AKT3: variants seen among roughly 807,000 people sequenced by gnomAD.
The protein encoded by AKT3 is RAC-gamma serine/threonine-protein kinase.
A neutral mutation model predicts 65.3 loss-of-function variants in AKT3; 15 were observed. The ratio of observed to expected loss-of-function variants is 0.23; its 90% CI spans 0.15 to 0.35. The LOEUF is 0.35. Among genes scored for constraint, AKT3 ranks in the 10% least tolerant of loss-of-function variants. The pLI, the probability that AKT3 is intolerant of heterozygous loss-of-function variation, is 1.00. For synonymous variants in AKT3, 206 were observed against 183.8 expected, an observed-to-expected ratio of 1.12 and a Z score of -0.98; for missense variants, 243 against 576.5, an observed-to-expected ratio of 0.42 and a Z score of 5.92.
intron 10 of AKT3, among the ~76,000 whole-genome samples, chr1:243,559,812 A>G (rs759398131): frequency 2.6e-5 from 4 of 152,144 alleles, no homozygotes; most frequent in Non-Finnish European, 5.9e-5. Context: ...TCAAGAATGT[A>G]TTACAGATCT....
At chr1:243,519,839 G>A (rs1332682654) in intron 12 of AKT3, among the ~76,000 whole-genome samples, 1 of 152,194 alleles carries the variant, frequency 6.6e-6, no homozygotes, top group African/African-American at 2.4e-5. Context: ...AAAAAAGACT[G>A]CACTGATATA....
rs565620100 is a variant in AKT3 at position 243,492,886 on chromosome 1, C to T, written c.*7-4436G>A. ...CCTCCCAAAGTGCTGGCATTACAGG[C>T]ATGAGCTTTGCCCGGCCTCTTGGCT... On this transcript the variant is annotated intron_variant, in intron 13 of 13. Coordinates refer to the AKT3 transcript ENST00000336199. Among the ~76,000 whole-genome samples, 6 of 152,260 alleles carry T rather than the reference C, an allele frequency of 3.9e-5. No homozygotes were observed. The South Asian group carries it at 8.3e-4, about 21-fold the overall frequency.
At chr1:243,636,265 ATTTGT>A (rs1390311115) in intron 6 of AKT3, among the ~76,000 whole-genome samples, 2 of 152,066 alleles carry the variant, frequency 1.3e-5, no homozygotes, top group Admixed American at 1.3e-4. Context: ...TTGTAATTTA[ATTTGT>A]TAAGTTTATT....
At position 243,565,793 on chromosome 1, in the gene AKT3, CG is replaced by C. The variant is rs370376027; in HGVS notation, c.820-1946del. ...CCTCCCACTTTGCCATAATGAGAAA[CG>C]TTAAGTATATACTAAAGCTTCTGTT... On this transcript the variant is annotated intron_variant, in intron 9 of 13. Transcript: ENST00000673466. Among the ~76,000 whole-genome samples, 449 of 152,124 alleles carry C rather than the reference CG, an allele frequency of 3.0e-3. 4 individuals are homozygous for C. Among genetic ancestry groups the C allele is most frequent in the African/African-American group, 0.01 (424 of 41,516 alleles).
At chr1:243,807,780 C>T (rs1361797288) in intron 2 of AKT3, among the ~76,000 whole-genome samples, 1 of 152,188 alleles carries the variant, frequency 6.6e-6, no homozygotes, top group Non-Finnish European at 1.5e-5. Flanking sequence ...GGGAGGCAAC[C>T]CCCAGTAGGG....
chr1:243,553,054 G>A lies in AKT3; in HGVS notation c.949-111C>T, dbSNP rs529730471. On this transcript the variant is annotated intron_variant, in intron 10 of 13. Transcript: ENST00000673466. ...ATGAATCTTAACTTTCAAAGCCTAG[G>A]TAGTCTGAGATCTTGACATTTAAAC... The A allele has an allele frequency of 3.7e-6, 3 of 819,534 alleles. No individual in the cohort carries two copies. The South Asian group carries it at 6.5e-5, about 18-fold the overall frequency. 50.8% of individuals were successfully genotyped at this position (819,534 alleles called of 1,614,324 possible). A position where few individuals can be genotyped will look rare whatever the true frequency, so the allele number is the denominator to read the frequency against.
chr1:243,813,941 A>C (rs915066844), intron 2 of AKT3, among the ~76,000 whole-genome samples: 6 of 152,186 alleles, frequency 3.9e-5, no homozygotes, highest in Non-Finnish European at 5.9e-5. Flanking sequence ...CCCAACTCTT[A>C]AAAATTAAAA....
At chr1:243,618,126 T>C (rs1344947510) in intron 6 of AKT3, among the ~76,000 whole-genome samples, 1 of 152,174 alleles carries the variant, frequency 6.6e-6, no homozygotes, top group African/African-American at 2.4e-5. Flanking sequence ...CGCATAATAG[T>C]TATTTTTCTA....
chr1:243,615,987 C>T lies in AKT3; in HGVS notation c.562-826G>A, dbSNP rs150437092. 1.8e-4 allele frequency among the ~76,000 whole-genome samples: 27 copies of T among 152,032 alleles called. No individual in the cohort carries two copies. In the East Asian group the frequency reaches 3.7e-3, roughly 21 times the overall value. On this transcript the variant is annotated intron_variant, in intron 6 of 13. Coordinates refer to ENST00000673466, the MANE Select transcript of AKT3 (RefSeq NM_005465.7). ...ACTCCTGAGGATCAAGGAATCCTCC[C>T]GCTTCAGACTCCCAAGTAGCAGAGA...
At chr1:243,498,079 C>G (rs974794574), downstream of AKT3, among the ~76,000 whole-genome samples, 2 of 152,184 alleles carry the variant, frequency 1.3e-5, no homozygotes, top group African/African-American at 2.4e-5. Context: ...GTGTCAAGAG[C>G]GAGGCCACCA....
At chr1:243,731,218 T>C (rs1052852194) in intron 2 of AKT3, among the ~76,000 whole-genome samples, 28 of 152,316 alleles carry the variant, frequency 1.8e-4, no homozygotes, top group Admixed American at 1.3e-3. Flanking sequence ...AAAATATATA[T>C]AATAGCCTGC....
intron 11 of AKT3, among the ~76,000 whole-genome samples, chr1:243,550,609 A>G (rs1380283836): frequency 6.6e-6 from 1 of 151,966 alleles, no homozygotes; most frequent in East Asian, 1.9e-4. Context: ...ATAAATATTC[A>G]CTGCCTCGAA....
At position 243,571,822 on chromosome 1, in the gene AKT3, T is replaced by C. The variant is rs1266896403; in HGVS notation, c.819+1104A>G. On this transcript the variant is annotated intron_variant, in intron 9 of 13. Transcript: ENST00000673466. ...CAATCAAACTATTAATTTGTATTAA[T>C]CTTTAGCCCATTTTGGCACTTAGAC... is the stretch of plus-strand genomic sequence containing the variant. Among the ~76,000 whole-genome samples, 4 of 152,230 alleles carry C rather than the reference T, an allele frequency of 2.6e-5. No individual in the cohort carries two copies. In the East Asian group the frequency reaches 7.7e-4, roughly 29 times the overall value.
intron 5 of AKT3, among the ~76,000 whole-genome samples, chr1:243,641,331 T>C (rs1261910762): frequency 4.0e-5 from 6 of 150,732 alleles, no homozygotes; most frequent in Non-Finnish European, 7.4e-5. Context: ...TATATATATA[T>C]ATATTATTAA....
chr1:243,643,807 T>C (rs550389407), intron 5 of AKT3, among the ~76,000 whole-genome samples: 1 of 152,360 alleles, frequency 6.6e-6, no homozygotes, highest in African/African-American at 2.4e-5. Context: ...ATCCTATAAA[T>C]TATTAGAATA....
chr1:243,539,669 G>A (rs1328594261), intron 12 of AKT3, among the ~76,000 whole-genome samples: 1 of 152,046 alleles, frequency 6.6e-6, no homozygotes. Flanking sequence ...AATTAAGCTA[G>A]GAATCAGTAA....
intron 8 of AKT3, among the ~76,000 whole-genome samples, chr1:243,591,223 A>C (rs1400142800): frequency 6.6e-6 from 1 of 152,206 alleles, no homozygotes; most frequent in African/African-American, 2.4e-5. Context: ...GACCAGATGA[A>C]ACAATCACCA....
intron 2 of AKT3, among the ~76,000 whole-genome samples, chr1:243,806,360 G>A (rs200561455): frequency 6.6e-6 from 1 of 151,190 alleles, no homozygotes. Context: ...ATTTATTAGG[G>A]GAAAAAAAAC....
At chr1:243,533,052 C>A (rs990885260) in intron 12 of AKT3, among the ~76,000 whole-genome samples, 3 of 152,084 alleles carry the variant, frequency 2.0e-5, no homozygotes, top group African/African-American at 7.2e-5. Flanking sequence ...TTAGTCAATC[C>A]ATTTAAAGTT....
Sources: gnomAD v4.1 joint callset for allele counts (sites outside exome capture counted in the v4.1 genomes callset) on GRCh38, gnomAD v4.1.1 for gene constraint, MANE v1.5 for transcripts, NCBI Gene and HGNC (gene_info 2026-07-23, HGNC 2026-07-21) for gene names.